The following RASEF variants were observed in gnomAD, a reference collection of about 807,000 sequenced individuals.
RASEF encodes ras and EF-hand domain-containing protein.
RASEF carries 68 observed loss-of-function variants against 90.1 expected under a neutral mutation model. That is an observed-to-expected ratio of 0.75 (90% CI 0.62 to 0.92). The LOEUF is 0.92. Among genes scored for constraint, RASEF ranks in the 40% least tolerant of loss-of-function variants. RASEF has a pLI of 0.00. For missense variants in RASEF, 949 were observed against 937.2 expected, an observed-to-expected ratio of 1.01 and a Z score of -0.16; for synonymous variants, 331 against 345.2, an observed-to-expected ratio of 0.96 and a Z score of 0.46.
At chr9:83,058,288 T>A (rs1447083318) in intron 1 of RASEF, among the ~76,000 whole-genome samples, 1 of 135,582 alleles carries the variant, frequency 7.4e-6, no homozygotes, top group Non-Finnish European at 1.5e-5. Flanking sequence ...GTTCACACCA[T>A]TCTCCTGCCT....
chr9:83,011,334 A>G (rs1490822450), intron 5 of RASEF, among the ~76,000 whole-genome samples: 2 of 152,066 alleles, frequency 1.3e-5, no homozygotes, highest in Admixed American at 6.6e-5. Flanking sequence ...GCGGGTGATC[A>G]TGAGGTCAAG....
Position 83,055,788 on chromosome 9 carries a change from T to C in RASEF, c.431+6649A>G, listed in dbSNP as rs1830092211. ...AAAATGAAAATAAGAATATTTGGTC[T>C]CCTAAAACTCCCAAAGATATATGTA... On this transcript the variant is annotated intron_variant, in intron 1 of 16. Transcript: ENST00000376447. 4 of 633,962 alleles carry C rather than the reference T, an allele frequency of 6.3e-6. No homozygotes were observed. In the South Asian group the frequency reaches 7.3e-5, roughly 12 times the overall value. 39.3% of individuals were successfully genotyped at this position (633,962 alleles called of 1,614,324 possible).
At chr9:82,987,589 T>G (rs1428199750) in intron 16 of RASEF, among the ~76,000 whole-genome samples, 1 of 151,516 alleles carries the variant, frequency 6.6e-6, no homozygotes, top group Non-Finnish European at 1.5e-5. Context: ...ACAGGAAACT[T>G]ACAGCCTCTC....
the RASEF span, among the ~76,000 whole-genome samples, chr9:83,147,040 G>GTATATATATA: frequency 8.9e-3 from 1,275 of 143,624 alleles, 22 homozygotes; most frequent in East Asian, 0.049. Flanking sequence ...ATATATATAT[G>GTATATATATA]TATATATATA....
the RASEF span, among the ~76,000 whole-genome samples, chr9:83,087,302 C>T: frequency 6.6e-6 from 1 of 152,110 alleles, no homozygotes; most frequent in Non-Finnish European, 1.5e-5. Flanking sequence ...CTGGGAGGCA[C>T]TTGGATTTAG....
chr9:83,077,138 T>C, the RASEF span, among the ~76,000 whole-genome samples: 1 of 152,146 alleles, frequency 6.6e-6, no homozygotes, highest in African/African-American at 2.4e-5. Flanking sequence ...ATGGAAACAA[T>C]GAGGGCTTAT....
At chr9:83,131,209 G>T in the RASEF span, among the ~76,000 whole-genome samples, 1 of 152,154 alleles carries the variant, frequency 6.6e-6, no homozygotes, top group Non-Finnish European at 1.5e-5. Flanking sequence ...CAGTCATGTG[G>T]CCAATAAGCA....
intron 1 of RASEF, chr9:83,048,903 C>T (rs1419277715): frequency 6.0e-6 from 2 of 330,746 alleles, no homozygotes; most frequent in Non-Finnish European, 8.6e-6. Flanking sequence ...CCGAGGAAGG[C>T]GGATCACCTG....
At chr9:83,031,603 A>G (rs1829647789) in intron 1 of RASEF, among the ~76,000 whole-genome samples, 1 of 152,172 alleles carries the variant, frequency 6.6e-6, no homozygotes, top group African/African-American at 2.4e-5. Flanking sequence ...CTTCACACCA[A>G]AAGTAAGTGC....
At chr9:83,193,732 G>T in the RASEF span, among the ~76,000 whole-genome samples, 1 of 152,194 alleles carries the variant, frequency 6.6e-6, no homozygotes, top group African/African-American at 2.4e-5. Context: ...TAAGGACAGA[G>T]AATGTAAATC....
the RASEF span, among the ~76,000 whole-genome samples, chr9:83,079,418 C>T: frequency 2.0e-5 from 3 of 152,124 alleles, no homozygotes; most frequent in Admixed American, 2.0e-4. Context: ...TGTTTTTGTA[C>T]CAGTACCATG....
chr9:83,036,355 G>C (rs1216999427), intron 1 of RASEF, among the ~76,000 whole-genome samples: 2 of 152,346 alleles, frequency 1.3e-5, no homozygotes, highest in East Asian at 3.9e-4. Flanking sequence ...GCAAAATGCT[G>C]CCAGGCAGCC....
the RASEF span, among the ~76,000 whole-genome samples, chr9:83,116,647 C>G: frequency 2.0e-5 from 3 of 152,140 alleles, no homozygotes; most frequent in African/African-American, 7.2e-5. Context: ...CACAACAGCT[C>G]TCCCTGACCA....
At chr9:83,008,539 T>C (rs1587490435) in intron 6 of RASEF, among the ~76,000 whole-genome samples, 1 of 151,990 alleles carries the variant, frequency 6.6e-6, no homozygotes, top group South Asian at 2.1e-4. Context: ...AAGGTCCCTG[T>C]CTCACCAGAT....
chr9:83,045,937 G>A (rs1829921252), intron 1 of RASEF, among the ~76,000 whole-genome samples: 1 of 151,368 alleles, frequency 6.6e-6, no homozygotes, highest in African/African-American at 2.4e-5. Context: ...TGTTGTCTGG[G>A]TTCTCTCAGA....
intron 7 of RASEF, 51 bp from the exon 8 acceptor site, chr9:83,005,551 G>A (rs759163756): frequency 8.3e-6 from 11 of 1,319,742 alleles, no homozygotes; most frequent in Non-Finnish European, 1.2e-5. Flanking sequence ...GTATCATTGG[G>A]GGTCACTGTC....
intron 15 of RASEF, among the ~76,000 whole-genome samples, chr9:82,990,802 C>A (rs1191459974): frequency 6.6e-6 from 1 of 152,270 alleles, no homozygotes; most frequent in East Asian, 1.9e-4. Flanking sequence ...TTCAAGGTAA[C>A]CACTCAGGAA....
chr9:83,088,132 G>C, the RASEF span, among the ~76,000 whole-genome samples: 1 of 151,964 alleles, frequency 6.6e-6, no homozygotes, highest in African/African-American at 2.4e-5. Flanking sequence ...TATTTATTGA[G>C]ATTTGTTTTA....
intron 1 of RASEF, among the ~76,000 whole-genome samples, chr9:83,044,075 G>A (rs946177947): frequency 5.3e-5 from 8 of 151,982 alleles, no homozygotes; most frequent in Non-Finnish European, 1.2e-4. Context: ...CTTCCAACTC[G>A]GGGACAAAAA....
Sources: allele counts gnomAD v4.1 joint callset (sites outside exome capture counted in the v4.1 genomes callset), GRCh38; gene constraint gnomAD v4.1.1; transcripts MANE v1.5; gene names NCBI Gene and HGNC (gene_info 2026-07-23, HGNC 2026-07-21).